Variants in PRUNE2 observed in about 807,000 individuals in gnomAD.
PRUNE2 encodes protein prune homolog 2.
A neutral mutation model predicts 252.0 loss-of-function variants in PRUNE2; 164 were observed. That is an observed-to-expected ratio of 0.65 (90% CI 0.57 to 0.74). The LOEUF is 0.74. Among genes scored for constraint, PRUNE2 ranks in the 30% least tolerant of loss-of-function variants. The probability of loss-of-function intolerance (pLI) is 0.00; values close to 1 mark genes in which losing one functional copy is unlikely to be tolerated. For synonymous variants in PRUNE2, 1,292 were observed against 1,350.2 expected, an observed-to-expected ratio of 0.96 and a Z score of 0.94; for missense variants, 3,495 against 3,711.0, an observed-to-expected ratio of 0.94 and a Z score of 1.51.
chr9:76,874,192 C>G (rs899248589), intron 1 of PRUNE2, among the ~76,000 whole-genome samples: 4 of 152,168 alleles, frequency 2.6e-5, no homozygotes, highest in African/African-American at 9.7e-5. Flanking sequence ...CAAAGAGTCA[C>G]ATAAAATACC....
intron 1 of PRUNE2, among the ~76,000 whole-genome samples, chr9:76,900,833 G>A (rs535992273): frequency 8.5e-5 from 13 of 152,182 alleles, no homozygotes; most frequent in Admixed American, 7.9e-4. Flanking sequence ...CCCCCTCCCT[G>A]GAGGAATAAT....
At chr9:76,733,362 A>G (rs1302905130) in intron 6 of PRUNE2, among the ~76,000 whole-genome samples, 1 of 150,474 alleles carries the variant, frequency 6.6e-6, no homozygotes, top group Non-Finnish European at 1.5e-5. Context: ...TGTCTTTGCA[A>G]TACTCATAAA....
intron 9 of PRUNE2, among the ~76,000 whole-genome samples, chr9:76,702,120 C>T (rs1364182300): frequency 6.6e-6 from 1 of 151,286 alleles, no homozygotes; most frequent in Admixed American, 6.6e-5. Context: ...AGTGCAGTCA[C>T]ACGATCTCGG....
At chr9:76,850,102 G>A (rs1023700454) in intron 3 of PRUNE2, among the ~76,000 whole-genome samples, 3 of 152,106 alleles carry the variant, frequency 2.0e-5, no homozygotes, top group South Asian at 4.1e-4. Context: ...AGGCTGGAGT[G>A]CAGTGGTGCG....
chr9:76,708,489 G>C lies in PRUNE2; in HGVS notation c.3785C>G (p.Thr1262Ser), dbSNP rs2046467925. ...IPSHSANVKDTHSPDAPAASG... is the reference protein window; with the variant it reads ...IPSHSANVKDSHSPDAPAASG... ...GGCTGCTGGCGCATCTGGGGAATGA[G>C]TGTCTTTAACATTTGCTGAATGGCT... Residue 1262 changes from threonine (T) to serine (S), a missense_variant, in exon 8 of 19, where the codon ACT becomes AGT. Transcript: ENST00000376718. 3 of 1,613,940 alleles carry C rather than the reference G, an allele frequency of 1.9e-6. No homozygotes were observed. The highest frequency in any genetic ancestry group is 2.5e-6 in the Non-Finnish European group (3 of 1,179,884).
In PRUNE2 at chr9:76,706,026, T is replaced by A; in HGVS notation, c.6248A>T (p.Asp2083Val). The change falls in exon 8 of 19, where the codon GAT becomes GTT. Residue 2083 changes from aspartate (D) to valine (V), a missense_variant. By Grantham distance (152) the Asp-to-Val change is radical. Transcript: ENST00000376718. ...CGTCAGGATATCAGGATTCTCACCA[T>A]CTGCTTTCAAACTGAAGGGCTTCTT... is the stretch of plus-strand genomic sequence containing the variant. ...DAKKPFSLKA[D>V]GENPDILTHC... The A allele has an allele frequency of 6.2e-7, 1 of 1,614,036 alleles. No homozygotes were observed. Among genetic ancestry groups the A allele is most frequent in the Non-Finnish European group, 8.5e-7 (1 of 1,179,888 alleles).
intron 6 of PRUNE2, among the ~76,000 whole-genome samples, chr9:76,731,122 T>C (rs971614531): frequency 8.6e-5 from 13 of 151,992 alleles, no homozygotes; most frequent in African/African-American, 3.1e-4. Context: ...TAATGAGCAA[T>C]GGGGCTTTCA....
intron 4 of PRUNE2, among the ~76,000 whole-genome samples, chr9:76,833,954 C>T (rs1362107444): frequency 6.7e-6 from 1 of 148,424 alleles, no homozygotes; most frequent in Non-Finnish European, 1.5e-5. Flanking sequence ...GCAATCTTGG[C>T]TCACTGCAAC....
intron 1 of PRUNE2, among the ~76,000 whole-genome samples, chr9:76,890,605 GTCTC>G (rs2062409283): frequency 2.6e-5 from 4 of 152,146 alleles, no homozygotes; most frequent in African/African-American, 9.7e-5. Context: ...GATCACATCA[GTCTC>G]TCAGAGTCAG....
At chr9:76,754,463 C>T (rs912296067) in intron 6 of PRUNE2, among the ~76,000 whole-genome samples, 20 of 152,178 alleles carry the variant, frequency 1.3e-4, no homozygotes, top group Non-Finnish European at 2.6e-4. Flanking sequence ...TATATGGGCA[C>T]GCATGAACAT....
chr9:76,794,267 C>T lies in PRUNE2; in HGVS notation c.756+29365G>A, dbSNP rs113481028. On this transcript the variant is annotated intron_variant, in intron 6 of 18. Coordinates refer to ENST00000376718, the MANE Select transcript of PRUNE2 (RefSeq NM_015225.3). ...AATGGCGGAACCAGGATTTCAGACT[C>T]AGGCCCTGGGGCTCAGCCTCAGGAG... Among the ~76,000 whole-genome samples the T allele has an allele frequency of 5.2e-3, 796 of 152,260 alleles. 9 individuals carry two copies. The highest frequency in any genetic ancestry group is 0.018 in the African/African-American group (745 of 41,544).
chr9:76,843,335 T>C (rs1022047622), intron 4 of PRUNE2, among the ~76,000 whole-genome samples: 3 of 151,782 alleles, frequency 2.0e-5, no homozygotes, highest in African/African-American at 7.3e-5. Flanking sequence ...GGATGGGGGC[T>C]AGGGGAGGGA....
intron 15 of PRUNE2, among the ~76,000 whole-genome samples, chr9:76,634,134 G>A (rs1338887948): frequency 6.6e-6 from 1 of 151,962 alleles, no homozygotes; most frequent in Admixed American, 6.6e-5. Context: ...AAACAAAAAA[G>A]TATCTACTTC....
At chr9:76,711,456 T>C in intron 7 of PRUNE2, 98 bp from the exon 8 acceptor site, 1 of 746,350 alleles carries the variant, frequency 1.3e-6, no homozygotes. Context: ...AAATATAAAA[T>C]TAATCTGTGT....
intron 6 of PRUNE2, among the ~76,000 whole-genome samples, chr9:76,796,648 T>C (rs536558511): frequency 1.3e-5 from 2 of 152,332 alleles, no homozygotes; most frequent in African/African-American, 4.8e-5. Context: ...TTTGTATGTG[T>C]CAACTTGACT....
At chr9:76,685,412 A>T (rs1281797344) in intron 9 of PRUNE2, among the ~76,000 whole-genome samples, 1 of 152,202 alleles carries the variant, frequency 6.6e-6, no homozygotes, top group Non-Finnish European at 1.5e-5. Flanking sequence ...TTCCTAAGGT[A>T]TCTATTATGG....
chr9:76,832,392 G>T (rs993284434), intron 4 of PRUNE2, among the ~76,000 whole-genome samples: 1 of 152,024 alleles, frequency 6.6e-6, no homozygotes, highest in Non-Finnish European at 1.5e-5. Flanking sequence ...ATTTCAAAAG[G>T]TGGCCACTAT....
intron 6 of PRUNE2, among the ~76,000 whole-genome samples, chr9:76,803,744 G>A (rs2056731593): frequency 6.6e-6 from 1 of 152,058 alleles, no homozygotes. Context: ...GACCCACTTG[G>A]GTTGGTGCAC....
At chr9:76,641,306 G>C (rs1842478516) in intron 12 of PRUNE2, among the ~76,000 whole-genome samples, 1 of 152,154 alleles carries the variant, frequency 6.6e-6, no homozygotes, top group Admixed American at 6.6e-5. Context: ...TAGCAGGAGA[G>C]GGGATAATTA....
Sources: allele counts gnomAD v4.1 joint callset (sites outside exome capture counted in the v4.1 genomes callset), GRCh38; gene constraint gnomAD v4.1.1; transcripts MANE v1.5; gene names NCBI Gene and HGNC (gene_info 2026-07-23, HGNC 2026-07-21).